COL18A1: variants seen among roughly 807,000 people sequenced by gnomAD.
COL18A1 encodes collagen alpha-1(XVIII) chain.
A neutral mutation model predicts 168.0 loss-of-function variants in COL18A1; 133 were observed. The ratio of observed to expected loss-of-function variants is 0.79; its 90% CI spans 0.69 to 0.91. The LOEUF is 0.91. Ranked by LOEUF, COL18A1 falls within the 40% of genes least tolerant of loss-of-function variation. The pLI is 0.00. For missense variants in COL18A1, 2,126 were observed against 1,925.4 expected, an observed-to-expected ratio of 1.10 and a Z score of -1.95; for synonymous variants, 949 against 809.0, an observed-to-expected ratio of 1.17 and a Z score of -2.94.
Position 45,456,044 on chromosome 21 carries a change from C to T in COL18A1, c.107-12198C>T, listed in dbSNP as rs368985827. The T allele has an allele frequency of 3.2e-5, 52 of 1,607,846 alleles. No individual in the cohort carries two copies. Among genetic ancestry groups the T allele is most frequent in the East Asian group, 1.1e-4 (5 of 44,776 alleles). ...GAATGGGACCACTCTCTGGCCCAGC[C>T]GTGGCATTCCTAGCTCTCCGGGCGC... On this transcript the variant is annotated intron_variant, in intron 2 of 41. Coordinates refer to ENST00000651438, the MANE Select transcript of COL18A1 (RefSeq NM_001379500.1).
At chr21:45,441,175 G>A (rs2034360480) in intron 2 of COL18A1, among the ~76,000 whole-genome samples, 2 of 152,198 alleles carry the variant, frequency 1.3e-5, no homozygotes, top group South Asian at 4.1e-4. Flanking sequence ...GGGTCTTGCA[G>A]GTTCTGGACA....
At chr21:45,437,740 TCA>T (rs796777661) in intron 2 of COL18A1, among the ~76,000 whole-genome samples, 12 of 12,772 alleles carry the variant, frequency 9.4e-4, no homozygotes, top group South Asian at 6.1e-3. Flanking sequence ...ACACACACAC[TCA>T]CACACTCAGA....
chr21:45,455,829 C>T lies in COL18A1; in HGVS notation c.107-12413C>T, dbSNP rs754701304. On this transcript the variant is annotated intron_variant, in intron 2 of 41. Transcript: ENST00000651438. ...GACACCCCCACTTCTGCCGAGAGCC[C>T]GGACGCGCCAGAGGAGAACATTGCC... 1.6e-5 allele frequency: 26 copies of T among 1,613,276 alleles called. No individual in the cohort carries two copies. Among genetic ancestry groups the T allele is most frequent in the Admixed American group, 5.0e-5 (3 of 60,030 alleles).
intron 2 of COL18A1, among the ~76,000 whole-genome samples, chr21:45,418,704 T>A: frequency 6.6e-6 from 1 of 150,434 alleles, no homozygotes; most frequent in Non-Finnish European, 1.5e-5. Context: ...CTCAGGGGCC[T>A]CCCAGCCACC....
chr21:45,506,524 T>C, intron 37 of COL18A1: 1 of 201,744 alleles, frequency 5.0e-6, no homozygotes, highest in Non-Finnish European at 1.0e-5. Context: ...CAAAATGGTC[T>C]GGGTGGCAGG....
chr21:45,440,521 G>T (rs1448622692), intron 2 of COL18A1, among the ~76,000 whole-genome samples: 1 of 151,870 alleles, frequency 6.6e-6, no homozygotes, highest in Admixed American at 6.6e-5. Flanking sequence ...AAGCAGTCGG[G>T]GCCTGCTGGG....
intron 2 of COL18A1, among the ~76,000 whole-genome samples, chr21:45,465,400 C>A (rs2035166367): frequency 6.6e-6 from 1 of 152,158 alleles, no homozygotes; most frequent in Admixed American, 6.6e-5. Context: ...GGCTCTGCAG[C>A]CTTGGGATTT....
intron 14 of COL18A1, chr21:45,482,376 C>T: frequency 1.5e-6 from 1 of 656,522 alleles, no homozygotes; most frequent in East Asian, 3.1e-5. Context: ...TGTGGGTGGA[C>T]CTGGCGGGAG....
chr21:45,409,903 C>T (rs1358971970), intron 2 of COL18A1: 2 of 152,274 alleles, frequency 1.3e-5, no homozygotes, highest in Admixed American at 6.5e-5. Flanking sequence ...TGTGTTGTCC[C>T]CTGGCGCTGC....
chr21:45,457,670 T>A lies in COL18A1; in HGVS notation c.107-10572T>A, dbSNP rs1568883104. 2.0e-5 allele frequency among the ~76,000 whole-genome samples: 3 copies of A among 152,220 alleles called. No individual in the cohort carries two copies. On this transcript the variant is annotated intron_variant, in intron 2 of 41. Coordinates refer to ENST00000651438, the MANE Select transcript of COL18A1 (RefSeq NM_001379500.1). This position sits in a 1 kb window ranked among gnomAD's most constrained non-coding sequence, Gnocchi z 4.6. ...GTAGACGGGGCCCCTGAGCTGTGCC[T>A]GCCCCATTCAGATTCTGCTTGCTAT... is the stretch of plus-strand genomic sequence containing the variant.
rs1468939369 is a variant in COL18A1 at position 45,457,287 on chromosome 21, G to A, written c.107-10955G>A. ...GTGTGGCTGCATCGACCTTGCTCCGGTCACTAAGCTGCACGGTTCGATGCG... is the reference window on the plus strand; with the variant it reads ...GTGTGGCTGCATCGACCTTGCTCCGATCACTAAGCTGCACGGTTCGATGCG... On this transcript the variant is annotated intron_variant, in intron 2 of 41. Coordinates refer to ENST00000651438, the MANE Select transcript of COL18A1 (RefSeq NM_001379500.1). This position sits in a 1 kb window ranked among gnomAD's most constrained non-coding sequence, Gnocchi z 4.6. 6.6e-6 allele frequency among the ~76,000 whole-genome samples: 1 copy of A among 152,202 alleles called. No individual in the cohort carries two copies. The highest frequency in any genetic ancestry group is 2.1e-4 in the South Asian group (1 of 4,834).
intron 31 of COL18A1, 130 bp from the exon 32 acceptor site, chr21:45,497,469 C>A: frequency 7.8e-7 from 1 of 1,275,996 alleles, no homozygotes; most frequent in Non-Finnish European, 1.1e-6. Context: ...CCTACCCTGA[C>A]TGTCCCCATG....
chr21:45,470,700 T>C (rs1018090058), intron 3 of COL18A1, among the ~76,000 whole-genome samples: 5 of 152,156 alleles, frequency 3.3e-5, no homozygotes, highest in Non-Finnish European at 7.4e-5. Flanking sequence ...TTGGTCAGGC[T>C]GGTCTCGAAC....
At chr21:45,434,632 G>T (rs971937447) in intron 2 of COL18A1, among the ~76,000 whole-genome samples, 7 of 152,192 alleles carry the variant, frequency 4.6e-5, no homozygotes, top group Non-Finnish European at 1.0e-4. Context: ...TCCTCAGAGG[G>T]TGGCAGAGGC....
intron 2 of COL18A1, among the ~76,000 whole-genome samples, chr21:45,428,044 G>T (rs916799910): frequency 3.3e-5 from 5 of 152,300 alleles, no homozygotes; most frequent in South Asian, 2.1e-4. Context: ...CACTGCTCGC[G>T]CCGGCCAAGG....
chr21:45,506,920 C>T, intron 37 of COL18A1: 1 of 220,174 alleles, frequency 4.5e-6, no homozygotes, highest in South Asian at 6.2e-5. Context: ...GGAGAGGCTG[C>T]CAGTCTCATA....
chr21:45,510,270 G>C lies in COL18A1; in HGVS notation c.3693+9G>C, dbSNP rs1349645489. 1 of 1,598,200 alleles carries C rather than the reference G, an allele frequency of 6.3e-7. No homozygotes were observed. The highest frequency in any genetic ancestry group is 1.1e-5 in the South Asian group (1 of 88,742). ...CCATCGTCAACCTCAAGGTGGGTCA[G>C]TCCAGTCCTGAGGGCGCGGGCTCCT... is the stretch of plus-strand genomic sequence containing the variant. On this transcript the variant is annotated intron_variant, in intron 40 of 41. Coordinates refer to ENST00000651438, the MANE Select transcript of COL18A1 (RefSeq NM_001379500.1).
chr21:45,478,472 AC>A lies in COL18A1; in HGVS notation c.1248+121del, dbSNP rs1439439020. On this transcript the variant is annotated intron_variant, in intron 9 of 41. Coordinates refer to ENST00000651438, the MANE Select transcript of COL18A1 (RefSeq NM_001379500.1). ...CCCAGTGAGGAGACTGTACAGCAAA[AC>A]CATTTTGAAAGTGGAATTTTGTAAA... 3.0e-6 allele frequency: 4 copies of A among 1,348,906 alleles called. No homozygotes were observed. The East Asian group carries it at 9.2e-5, about 31-fold the overall frequency. The allele number at this position is 1,348,906 out of a possible 1,614,324, so 83.6% of individuals were successfully genotyped here. A position where few individuals can be genotyped will look rare whatever the true frequency, so the allele number is the denominator to read the frequency against.
At chr21:45,488,722 C>T (rs1333737477) in intron 18 of COL18A1, among the ~76,000 whole-genome samples, 1 of 152,134 alleles carries the variant, frequency 6.6e-6, no homozygotes, top group African/African-American at 2.4e-5. Flanking sequence ...GAAGCATATT[C>T]TCAGACTTGG....
Sources: allele counts gnomAD v4.1 joint callset (sites outside exome capture counted in the v4.1 genomes callset), GRCh38; gene constraint gnomAD v4.1.1; non-coding constraint Gnocchi (gnomAD v3.1); transcripts MANE v1.5; gene names NCBI Gene and HGNC (gene_info 2026-07-23, HGNC 2026-07-21).